The following TBC1D22A variants were observed in gnomAD, a reference collection of about 807,000 sequenced individuals.
TBC1D22A encodes the protein TBC1 domain family member 22A.
Under a neutral mutation model 60.2 loss-of-function variants are expected in TBC1D22A, and 38 were observed. The observed-to-expected ratio is 0.63, with a 90% confidence interval of 0.49 to 0.83. The LOEUF (loss-of-function observed/expected upper bound fraction) is 0.83. Ranked by LOEUF, TBC1D22A falls within the 40% of genes least tolerant of loss-of-function variation. TBC1D22A has a pLI of 0.00. For synonymous variants in TBC1D22A, 302 were observed against 281.7 expected (o/e 1.07, Z -0.72); for missense variants, 628 against 701.0 (o/e 0.90, Z 1.18).
chr22:46,970,813 A>C (rs1214966864), intron 8 of TBC1D22A, among the ~76,000 whole-genome samples: 5 of 152,092 alleles, frequency 3.3e-5, no homozygotes, highest in African/African-American at 9.7e-5. Context: ...AAACCTGCTG[A>C]TCTTGCCTGC....
chr22:47,144,536 T>A (rs890446615), intron 12 of TBC1D22A, among the ~76,000 whole-genome samples: 1 of 152,236 alleles, frequency 6.6e-6, no homozygotes, highest in Non-Finnish European at 1.5e-5. Flanking sequence ...AGCCCCTGTC[T>A]GCCTGGCGTG....
At chr22:46,928,701 C>G (rs1177371369) in intron 8 of TBC1D22A, among the ~76,000 whole-genome samples, 2 of 152,090 alleles carry the variant, frequency 1.3e-5, no homozygotes, top group Admixed American at 1.3e-4. Context: ...ATACAAAGAA[C>G]TCGTACAACT....
At chr22:47,034,058 C>G (rs2062575605) in intron 10 of TBC1D22A, among the ~76,000 whole-genome samples, 1 of 152,232 alleles carries the variant, frequency 6.6e-6, no homozygotes, top group Non-Finnish European at 1.5e-5. Flanking sequence ...TTTGTTCTCT[C>G]CACTTGCCGC....
Position 46,866,693 on chromosome 22 carries a change from T to G in TBC1D22A, c.638-11960T>G, listed in dbSNP as rs540711226. ...TGCCTGAACAAGTCTATAGTGCTGA[T>G]GAACCATCATTGTTTTGGTGTTCTT... On this transcript the variant is annotated intron_variant, in intron 4 of 12. Transcript: ENST00000337137. 5.9e-5 allele frequency among the ~76,000 whole-genome samples: 9 copies of G among 152,378 alleles called. No homozygotes were observed. The South Asian group carries it at 8.3e-4, about 14-fold the overall frequency.
chr22:46,913,504 G>T (rs1306974344), intron 8 of TBC1D22A: 4 of 1,297,616 alleles, frequency 3.1e-6, no homozygotes, highest in African/African-American at 1.5e-5. Context: ...TTTCATAGGA[G>T]GTTGTCTCAT....
chr22:47,018,761 G>T (rs1377832373), intron 10 of TBC1D22A, among the ~76,000 whole-genome samples: 1 of 152,186 alleles, frequency 6.6e-6, no homozygotes, highest in Non-Finnish European at 1.5e-5. Flanking sequence ...GGTCCTGGTG[G>T]TGGGCGGGGC....
intron 11 of TBC1D22A, among the ~76,000 whole-genome samples, chr22:47,069,294 A>C (rs925726599): frequency 6.6e-6 from 1 of 152,274 alleles, no homozygotes; most frequent in African/African-American, 2.4e-5. Context: ...TGTTGCAAAC[A>C]TGATCCAAAC....
chr22:47,163,157 C>G (rs1188614683), intron 12 of TBC1D22A, among the ~76,000 whole-genome samples: 1 of 152,208 alleles, frequency 6.6e-6, no homozygotes, highest in East Asian at 1.9e-4. Flanking sequence ...CACTGCCCCC[C>G]CGCCCGGCCC....
At chr22:47,080,499 G>T (rs34546965) in intron 11 of TBC1D22A, among the ~76,000 whole-genome samples, 66,551 of 151,840 alleles carry the variant, frequency 0.44, 14,949 homozygotes, top group East Asian at 0.59. Flanking sequence ...TAAATAATCC[G>T]CGATTCAAAG....
At chr22:46,766,423 C>T (rs1251953764) in intron 1 of TBC1D22A, among the ~76,000 whole-genome samples, 5 of 152,206 alleles carry the variant, frequency 3.3e-5, no homozygotes, top group Non-Finnish European at 4.4e-5. Context: ...GCCACCACAC[C>T]CAGCCTTGTT....
rs77834053 is a variant in TBC1D22A, at chr22:46,828,049, C to A, written c.637+30429C>A. ...GATTATTCCCAGGACTTTCACGCCC[C>A]AGGGACTTCCGTGTGCCATTGACTA... is the stretch of plus-strand genomic sequence containing the variant. On this transcript the variant is annotated intron_variant, in intron 4 of 12. Coordinates refer to ENST00000337137, the MANE Select transcript of TBC1D22A (RefSeq NM_014346.5). Among the ~76,000 whole-genome samples, 547 of 152,298 alleles carry A rather than the reference C, an allele frequency of 3.6e-3. 2 individuals carry two copies. Among genetic ancestry groups the A allele is most frequent in the African/African-American group, 0.013 (525 of 41,566 alleles).
chr22:46,868,490 G>A (rs948639706), intron 4 of TBC1D22A, among the ~76,000 whole-genome samples: 1 of 152,006 alleles, frequency 6.6e-6, no homozygotes, highest in African/African-American at 2.4e-5. Context: ...CCCAGAATTC[G>A]AACACTTGGG....
At position 46,865,813 on chromosome 22, in the gene TBC1D22A, T is replaced by C. The variant is rs372484517; in HGVS notation, c.638-12840T>C. ...TCTTTGTTCTGGGGCGTAAAGATAC[T>C]ATTGAAAATGCCAAAAAAGACCTGT... On this transcript the variant is annotated intron_variant, in intron 4 of 12. Transcript: ENST00000337137. Among the ~76,000 whole-genome samples, 472 of 152,328 alleles carry C rather than the reference T, an allele frequency of 3.1e-3. 6 individuals carry two copies. The highest frequency in any genetic ancestry group is 0.011 in the African/African-American group (454 of 41,576).
intron 8 of TBC1D22A, among the ~76,000 whole-genome samples, chr22:46,941,663 C>T (rs919308502): frequency 1.2e-4 from 7 of 58,592 alleles, no homozygotes; most frequent in East Asian, 3.7e-4. Context: ...AATATATATA[C>T]GCGGAATATA....
At chr22:46,945,965 T>A (rs2072512750) in intron 8 of TBC1D22A, among the ~76,000 whole-genome samples, 1 of 152,216 alleles carries the variant, frequency 6.6e-6, no homozygotes, top group South Asian at 2.1e-4. Flanking sequence ...TTAGAATAAT[T>A]TTTATCAGCG....
At chr22:46,789,077 C>G (rs1288193702) in intron 1 of TBC1D22A, 1 of 162,994 alleles carries the variant, frequency 6.1e-6, no homozygotes, top group Non-Finnish European at 1.3e-5. Flanking sequence ...CTGCCAGCCA[C>G]TTTTCCTAGT....
chr22:46,962,507 C>T (rs2073562584), intron 8 of TBC1D22A, among the ~76,000 whole-genome samples: 1 of 152,240 alleles, frequency 6.6e-6, no homozygotes, highest in South Asian at 2.1e-4. Flanking sequence ...AGATGTTTGT[C>T]TTAAGGAAAT....
At chr22:47,143,945 A>G (rs2067200090) in intron 12 of TBC1D22A, among the ~76,000 whole-genome samples, 1 of 152,114 alleles carries the variant, frequency 6.6e-6, no homozygotes, top group Non-Finnish European at 1.5e-5. Context: ...CTGCTCCAGC[A>G]TCCTGTGTCC....
chr22:46,874,379 G>T (rs1260421336), intron 4 of TBC1D22A, among the ~76,000 whole-genome samples: 1 of 151,904 alleles, frequency 6.6e-6, no homozygotes, highest in Non-Finnish European at 1.5e-5. Flanking sequence ...CATGATGTTT[G>T]ATCTAATTTA....
Sources: gnomAD v4.1 joint callset for allele counts (sites outside exome capture counted in the v4.1 genomes callset) on GRCh38, gnomAD v4.1.1 for gene constraint, MANE v1.5 for transcripts, NCBI Gene and HGNC (gene_info 2026-07-23, HGNC 2026-07-21) for gene names.